Variants in CNTN5 observed in about 807,000 individuals in gnomAD.
The protein encoded by CNTN5 is contactin-5.
A neutral mutation model predicts 129.1 loss-of-function variants in CNTN5; 77 were observed. That is an observed-to-expected ratio of 0.60 (90% CI 0.50 to 0.72). The LOEUF (loss-of-function observed/expected upper bound fraction) is 0.72, where lower values mean the gene tolerates loss of function less well. CNTN5 is among the 30% of genes least tolerant of loss of function. CNTN5 has a pLI of 0.00. For synonymous variants in CNTN5, 509 were observed against 465.6 expected, an observed-to-expected ratio of 1.09 and a Z score of -1.20; for missense variants, 1,478 against 1,328.8, an observed-to-expected ratio of 1.11 and a Z score of -1.75.
chr11:99,648,742 A>G (rs557367394), intron 3 of CNTN5, among the ~76,000 whole-genome samples: 279 of 151,946 alleles, frequency 1.8e-3, no homozygotes, highest in Middle Eastern at 0.014. Context: ...AAAGAATAAA[A>G]CCCCATCATT....
intron 16 of CNTN5, among the ~76,000 whole-genome samples, chr11:100,238,408 CA>C (rs201855934): frequency 0.23 from 16,261 of 71,096 alleles, 389 homozygotes; most frequent in Non-Finnish European, 0.25. Context: ...CCTCACTTGT[CA>C]AAAAAAAAAA....
At chr11:99,556,032 C>A in intron 2 of CNTN5, 113 bp from the exon 3 acceptor site, 1 of 438,248 alleles carries the variant, frequency 2.3e-6, no homozygotes. Flanking sequence ...CTGACCTTTG[C>A]ACTAATGGTT....
chr11:99,662,460 G>C (rs1952629377), intron 3 of CNTN5, among the ~76,000 whole-genome samples: 1 of 152,148 alleles, frequency 6.6e-6, no homozygotes, highest in Admixed American at 6.6e-5. Context: ...GTAGTATACA[G>C]AAATACATTT....
chr11:99,426,342 C>A (rs1467195708), intron 2 of CNTN5, among the ~76,000 whole-genome samples: 2 of 152,116 alleles, frequency 1.3e-5, no homozygotes, highest in East Asian at 1.9e-4. Flanking sequence ...AGTGGTAATA[C>A]AAATATTTCC....
chr11:99,838,979 A>G (rs1947391711), intron 4 of CNTN5, among the ~76,000 whole-genome samples: 1 of 152,170 alleles, frequency 6.6e-6, no homozygotes, highest in African/African-American at 2.4e-5. Flanking sequence ...TTGTGGACAT[A>G]TCTTTTAAAC....
At chr11:99,688,272 C>T (rs75527905) in intron 3 of CNTN5, among the ~76,000 whole-genome samples, 4,631 of 152,160 alleles carry the variant, frequency 0.03, 235 homozygotes, top group African/African-American at 0.1. Flanking sequence ...GAACTCTTAG[C>T]CTTAAGTGAG....
At chr11:99,253,897 T>TTATATATATATATATATATATA (rs67720359) in intron 1 of CNTN5, among the ~76,000 whole-genome samples, 173 of 138,996 alleles carry the variant, frequency 1.2e-3, no homozygotes, top group African/African-American at 4.5e-3. Context: ...AAATATACGT[T>TTATATATATATATATATATATA]TATATATATA....
chr11:99,253,574 A>AT (rs1455186654), intron 1 of CNTN5, among the ~76,000 whole-genome samples: 7 of 151,734 alleles, frequency 4.6e-5, no homozygotes, highest in Admixed American at 2.0e-4. Context: ...TTTTTATTTA[A>AT]TTTTACTAAC....
At chr11:99,420,726 G>A (rs969483787) in intron 2 of CNTN5, among the ~76,000 whole-genome samples, 1 of 152,144 alleles carries the variant, frequency 6.6e-6, no homozygotes, top group Non-Finnish European at 1.5e-5. Context: ...GAAAAGAAAT[G>A]GCTGCTTCAC....
intron 3 of CNTN5, among the ~76,000 whole-genome samples, chr11:99,743,417 A>G (rs1392011395): frequency 6.6e-6 from 1 of 152,202 alleles, no homozygotes; most frequent in East Asian, 1.9e-4. Context: ...AGTGTGTAAT[A>G]GTAGAACCAA....
At chr11:99,632,893 T>TGG (rs148978996) in intron 3 of CNTN5, among the ~76,000 whole-genome samples, 4 of 152,070 alleles carry the variant, frequency 2.6e-5, no homozygotes, top group East Asian at 1.9e-4. Context: ...GGTATCTTCT[T>TGG]GGGGGGGTTA....
chr11:99,165,413 CAT>C (rs1860822998), intron 1 of CNTN5, among the ~76,000 whole-genome samples: 1 of 152,110 alleles, frequency 6.6e-6, no homozygotes, highest in Admixed American at 6.6e-5. Flanking sequence ...CTTTTGGTAG[CAT>C]ACTAATTGGC....
In CNTN5 at chr11:99,645,102, T is replaced by TAAA. The variant is rs140819611; in HGVS notation, c.55+88833_55+88834insAAA. On this transcript the variant is annotated intron_variant, in intron 3 of 24. Coordinates refer to ENST00000524871, the MANE Select transcript of CNTN5 (RefSeq NM_014361.4). Reference sequence around the variant, plus strand: ...AATATGGTGAAACTCCGTCTCTACTTTAAAAAAAAAAGCCAGGCGTGATGC... The same window carrying TAAA: ...AATATGGTGAAACTCCGTCTCTACTTAAATAAAAAAAAAAGCCAGGCGTGATGC... 1.9e-4 allele frequency among the ~76,000 whole-genome samples: 27 copies of TAAA among 143,136 alleles called. 1 individual carries two copies. The highest frequency in any genetic ancestry group is 2.9e-4 in the Non-Finnish European group (19 of 65,600). The allele number at this position is 143,136 out of a possible 152,430, so 93.9% of individuals were successfully genotyped here.
chr11:99,970,554 A>G (rs765103517), intron 8 of CNTN5, among the ~76,000 whole-genome samples: 4 of 152,212 alleles, frequency 2.6e-5, no homozygotes, highest in Non-Finnish European at 4.4e-5. Flanking sequence ...GATGAAATAC[A>G]TGAATACATC....
rs146497087 is a variant in CNTN5 at position 100,152,028 on chromosome 11, G to A, written c.1581-39098G>A. On this transcript the variant is annotated intron_variant, in intron 13 of 24. Transcript: ENST00000524871. ...CCTTTCACAATATGACCTTAACCAC[G>A]TCTCCTTTAGTCACAATTTTATTCC... 1.5e-3 allele frequency among the ~76,000 whole-genome samples: 233 copies of A among 152,158 alleles called. 1 individual carries two copies. The highest frequency in any genetic ancestry group is 5.5e-3 in the African/African-American group (227 of 41,508).
At chr11:99,299,270 AAAAG>A (rs1458652762) in intron 1 of CNTN5, among the ~76,000 whole-genome samples, 1 of 152,198 alleles carries the variant, frequency 6.6e-6, no homozygotes, top group Non-Finnish European at 1.5e-5. Context: ...TCAAAGAACT[AAAAG>A]AAATTATGTA....
At chr11:99,777,313 T>G (rs1945157524) in intron 3 of CNTN5, among the ~76,000 whole-genome samples, 2 of 151,876 alleles carry the variant, frequency 1.3e-5, no homozygotes, top group Admixed American at 6.6e-5. Flanking sequence ...TTACAAATGT[T>G]GTGCATCTCA....
At chr11:99,752,847 C>T (rs186425052) in intron 3 of CNTN5, among the ~76,000 whole-genome samples, 2 of 152,132 alleles carry the variant, frequency 1.3e-5, no homozygotes, top group Admixed American at 6.5e-5. Context: ...TTAGCTATGC[C>T]GTAGCCACAC....
chr11:99,864,162 A>G (rs1459230790), intron 6 of CNTN5, among the ~76,000 whole-genome samples: 2 of 152,130 alleles, frequency 1.3e-5, no homozygotes, highest in Admixed American at 6.6e-5. Flanking sequence ...TAATGTTATT[A>G]ATCTTAAGAA....
Sources: allele counts gnomAD v4.1 joint callset (sites outside exome capture counted in the v4.1 genomes callset), GRCh38; gene constraint gnomAD v4.1.1; transcripts MANE v1.5; gene names NCBI Gene and HGNC (gene_info 2026-07-23, HGNC 2026-07-21).